Variants in VPS26A observed in about 807,000 individuals in gnomAD.
VPS26A encodes vacuolar protein sorting-associated protein 26A.
VPS26A carries 22 observed loss-of-function variants against 42.4 expected under a neutral mutation model. That is an observed-to-expected ratio of 0.52 (90% CI 0.37 to 0.74). The LOEUF is 0.74. VPS26A is among the 30% of genes least tolerant of loss of function. The pLI is 0.00. For missense variants in VPS26A, 276 were observed against 379.2 expected, an observed-to-expected ratio of 0.73 and a Z score of 2.26; for synonymous variants, 110 against 123.5, an observed-to-expected ratio of 0.89 and a Z score of 0.73.
At chr10:69,130,130 G>A (rs539910124) in intron 1 of VPS26A, among the ~76,000 whole-genome samples, 1 of 145,860 alleles carries the variant, frequency 6.9e-6, no homozygotes, top group East Asian at 1.9e-4. Flanking sequence ...AATTTCTCTT[G>A]TATATTTGTT....
intron 2 of VPS26A, among the ~76,000 whole-genome samples, chr10:69,136,513 G>T (rs898252426): frequency 6.6e-6 from 1 of 151,866 alleles, no homozygotes; most frequent in Admixed American, 6.6e-5. Flanking sequence ...CTCGTGATCC[G>T]CCCAGCTCAG....
At chr10:69,163,537 A>G (rs951428722) in intron 6 of VPS26A, among the ~76,000 whole-genome samples, 4 of 152,138 alleles carry the variant, frequency 2.6e-5, no homozygotes, top group Admixed American at 2.6e-4. Flanking sequence ...TCATGAGCAC[A>G]ATGCTGTAAA....
chr10:69,153,923 C>T (rs1185608076), intron 2 of VPS26A, among the ~76,000 whole-genome samples: 1 of 152,088 alleles, frequency 6.6e-6, no homozygotes, highest in Non-Finnish European at 1.5e-5. Context: ...ATTCAGTGAA[C>T]AAGTGAATAA....
chr10:69,158,011 G>T (rs1841468390), intron 4 of VPS26A, 36 bp from the exon 5 acceptor site: 1 of 1,522,822 alleles, frequency 6.6e-7, no homozygotes, highest in African/African-American at 1.4e-5. Context: ...TTTATCACAG[G>T]TGATTTAACT....
At chr10:69,164,332 C>G (rs1248488465) in intron 6 of VPS26A, among the ~76,000 whole-genome samples, 1 of 151,986 alleles carries the variant, frequency 6.6e-6, no homozygotes, top group African/African-American at 2.4e-5. Context: ...ATCCTCCAAC[C>G]TCAGCGTTGT....
At position 69,166,342 on chromosome 10, in the gene VPS26A, A is replaced by G. The variant is rs940494691; in HGVS notation, c.727+232A>G. ...TTTAGGATTTACTAGAGACAGTTAT[A>G]TGTATCTATTCTCTAGTTTTGAATT... On this transcript the variant is annotated intron_variant, in intron 7 of 8. Transcript: ENST00000263559. Among the ~76,000 whole-genome samples the G allele has an allele frequency of 3.3e-5, 5 of 152,202 alleles. No homozygotes were observed. The East Asian group carries it at 9.6e-4, about 29-fold the overall frequency.
chr10:69,129,084 TAAGG>T (rs1840720541), intron 1 of VPS26A, among the ~76,000 whole-genome samples: 1 of 151,726 alleles, frequency 6.6e-6, no homozygotes, highest in Non-Finnish European at 1.5e-5. Flanking sequence ...GTGGATGTCA[TAAGG>T]AAGGAGAGCT....
Position 69,158,221 on chromosome 10 carries a change from A to C in VPS26A, c.551+10A>C. On this transcript the variant is annotated intron_variant, in intron 5 of 8. Transcript: ENST00000263559. ...AATATAATAAATCAAAGTAAGTATC[A>C]TTCACAGATAAGTTGTTCAGAGAAA... is the stretch of plus-strand genomic sequence containing the variant. The C allele has an allele frequency of 6.4e-7, 1 of 1,567,004 alleles. No homozygotes were observed. The highest frequency in any genetic ancestry group is 1.2e-5 in the South Asian group (1 of 83,240).
chr10:69,138,723 G>A (rs1230825763), intron 2 of VPS26A, among the ~76,000 whole-genome samples: 1 of 151,986 alleles, frequency 6.6e-6, no homozygotes, highest in Admixed American at 6.6e-5. Flanking sequence ...AATTCAATTT[G>A]AAAATTAGAA....
chr10:69,166,148 A>C (rs778475626), intron 7 of VPS26A, 38 bp downstream of exon 7: 1 of 1,568,732 alleles, frequency 6.4e-7, no homozygotes, highest in East Asian at 2.2e-5. Context: ...GTATAGTGCA[A>C]ACATCAGTGT....
intron 2 of VPS26A, among the ~76,000 whole-genome samples, chr10:69,138,750 T>C (rs1201660134): frequency 6.6e-6 from 1 of 152,232 alleles, no homozygotes; most frequent in African/African-American, 2.4e-5. Flanking sequence ...ACTTAACCTC[T>C]TATGTTACAT....
At chr10:69,136,207 T>G (rs1840903773) in intron 2 of VPS26A, among the ~76,000 whole-genome samples, 1 of 152,088 alleles carries the variant, frequency 6.6e-6, no homozygotes, top group Non-Finnish European at 1.5e-5. Flanking sequence ...GGTGGTGGTG[T>G]GTTTTTCCAT....
chr10:69,125,873 C>G (rs1360364301), intron 1 of VPS26A, among the ~76,000 whole-genome samples: 1 of 152,070 alleles, frequency 6.6e-6, no homozygotes, highest in African/African-American at 2.4e-5. Context: ...AAAAAGTTGC[C>G]TTTTTATGTA....
chr10:69,135,485 G>C (rs1182912828), intron 2 of VPS26A, among the ~76,000 whole-genome samples: 1 of 152,124 alleles, frequency 6.6e-6, no homozygotes, highest in African/African-American at 2.4e-5. Flanking sequence ...GCTCATGCCT[G>C]TAATCCCAGC....
At chr10:69,125,807 A>G (rs1380058451) in intron 1 of VPS26A, among the ~76,000 whole-genome samples, 6 of 152,294 alleles carry the variant, frequency 3.9e-5, no homozygotes, top group East Asian at 1.9e-4. Flanking sequence ...CAGAAATGCA[A>G]TGAGTTGCAT....
intron 6 of VPS26A, among the ~76,000 whole-genome samples, chr10:69,162,934 C>CA (rs1212728724): frequency 2.0e-5 from 3 of 150,932 alleles, no homozygotes; most frequent in Admixed American, 6.6e-5. Flanking sequence ...GAGACCATTC[C>CA]AAAAAAAAGA....
At chr10:69,138,329 C>A (rs1446819870) in intron 2 of VPS26A, among the ~76,000 whole-genome samples, 1 of 152,126 alleles carries the variant, frequency 6.6e-6, no homozygotes, top group African/African-American at 2.4e-5. Context: ...CTGATGTGAA[C>A]ATTTGTGTAG....
At chr10:69,127,521 C>G (rs887388000) in intron 1 of VPS26A, among the ~76,000 whole-genome samples, 3 of 150,930 alleles carry the variant, frequency 2.0e-5, no homozygotes, top group African/African-American at 7.3e-5. Context: ...CCACTGCACT[C>G]CGGCCTGGGC....
At chr10:69,143,257 TGGTAG>T (rs758448134) in intron 2 of VPS26A, among the ~76,000 whole-genome samples, 8 of 152,198 alleles carry the variant, frequency 5.3e-5, no homozygotes, top group Non-Finnish European at 1.0e-4. Flanking sequence ...ACCGCTGTCT[TGGTAG>T]GTAACTCTGG....
Sources: gnomAD v4.1 joint callset for allele counts (sites outside exome capture counted in the v4.1 genomes callset) on GRCh38, gnomAD v4.1.1 for gene constraint, MANE v1.5 for transcripts, NCBI Gene and HGNC (gene_info 2026-07-23, HGNC 2026-07-21) for gene names.